Variants in ZNF746 observed in about 807,000 individuals in gnomAD.
ZNF746 encodes zinc finger protein 746.
Under a neutral mutation model 41.0 loss-of-function variants are expected in ZNF746, and 13 were observed. The ratio of observed to expected loss-of-function variants is 0.32; its 90% CI spans 0.21 to 0.50. The LOEUF is 0.50. ZNF746 is among the 20% of genes least tolerant of loss of function. The probability of loss-of-function intolerance (pLI) is 0.98; values close to 1 mark genes in which losing one functional copy is unlikely to be tolerated. For missense variants in ZNF746, 811 were observed against 922.9 expected, an observed-to-expected ratio of 0.88 and a Z score of 1.57; for synonymous variants, 424 against 396.2, an observed-to-expected ratio of 1.07 and a Z score of -0.83.
At chr7:149,493,027 G>A (rs1800862368) in intron 3 of ZNF746, 55 bp from the exon 4 acceptor site, 12 of 1,219,320 alleles carry the variant, frequency 9.8e-6, no homozygotes, top group African/African-American at 1.5e-5. Context: ...GCTGGGGACA[G>A]TCATCCCGGA....
chr7:149,474,336 G>A lies in ZNF746; in HGVS notation c.*48C>T, dbSNP rs1800205427. 2 of 1,560,282 alleles carry A rather than the reference G, an allele frequency of 1.3e-6. No individual in the cohort carries two copies. The highest frequency in any genetic ancestry group is 1.7e-6 in the Non-Finnish European group (2 of 1,152,456). On this transcript the variant is annotated 3_prime_UTR_variant, in exon 7 of 7. Transcript: ENST00000458143. This position sits in a 1 kb window ranked among gnomAD's most constrained non-coding sequence, Gnocchi z 6.3. ...CCACGCCGCCCTGCTGCCTGCACAC[G>A]GGGCTTTTTACACGTGCGGCCGGCA...
rs77795068 is a variant in ZNF746 at position 149,495,324 on chromosome 7, A to T, written c.25-821T>A. Among the ~76,000 whole-genome samples, 2,425 of 152,306 alleles carry T rather than the reference A, an allele frequency of 0.016. 128 individuals carry two copies. In the East Asian group the frequency reaches 0.2, roughly 12 times the overall value. Reference sequence around the variant, plus strand: ...ACATTTTTGTAGCTGTACCAGGAGCAGTGACATACCCTGCAGTCTGGTGAG... The same window carrying T: ...ACATTTTTGTAGCTGTACCAGGAGCTGTGACATACCCTGCAGTCTGGTGAG... On this transcript the variant is annotated intron_variant, in intron 1 of 6. Coordinates refer to ENST00000458143, the MANE Select transcript of ZNF746 (RefSeq NM_001394198.1).
Position 149,477,001 on chromosome 7 carries a change from T to G in ZNF746, c.804A>C (p.Gln268His). ...AGGGATGGTGGGGAGGGAGATCCGT[T>G]TGCCAGGAGGTGGGCGGGATGGTGG... ...FSTTIPPTSW[Q>H]TDLPPHHPSS... Residue 268 changes from glutamine (Q) to histidine (H), a missense_variant, in exon 6 of 7, where the codon CAA becomes CAC. Physicochemically the swap from Gln to His is conservative, Grantham distance 24. Transcript: ENST00000458143. 6.2e-7 allele frequency: 1 copy of G among 1,613,828 alleles called. No individual in the cohort carries two copies. The highest frequency in any genetic ancestry group is 1.1e-5 in the South Asian group (1 of 91,074).
chr7:149,481,860 C>A (rs1016361556), intron 4 of ZNF746, among the ~76,000 whole-genome samples: 2 of 151,984 alleles, frequency 1.3e-5, no homozygotes, highest in East Asian at 3.9e-4. Context: ...TAAAAAGAAT[C>A]CAAATAAACT....
intron 4 of ZNF746, among the ~76,000 whole-genome samples, chr7:149,492,583 G>GT (rs1800839581): frequency 6.6e-6 from 1 of 152,250 alleles, no homozygotes; most frequent in Middle Eastern, 3.4e-3. Context: ...CCCTCTCAGC[G>GT]TTCTCCTCTC....
intron 6 of ZNF746, 119 bp from the exon 7 acceptor site, chr7:149,475,602 G>A (rs1312392005): frequency 1.3e-6 from 2 of 1,490,298 alleles, no homozygotes; most frequent in African/African-American, 1.4e-5. Flanking sequence ...AGGCCCTCGT[G>A]GCTGAGCCCA....
At chr7:149,477,978 G>T (rs1260505311) in intron 4 of ZNF746, 1 of 441,878 alleles carries the variant, frequency 2.3e-6, no homozygotes, top group Non-Finnish European at 4.0e-6. Flanking sequence ...TGAGGCGGGG[G>T]AGGGGAAGAA....
intron 6 of ZNF746, among the ~76,000 whole-genome samples, chr7:149,475,947 C>T (rs1480692817): frequency 6.6e-6 from 1 of 152,222 alleles, no homozygotes; most frequent in East Asian, 1.9e-4. Context: ...CTGAAAGCAC[C>T]TTAGTGAGCT....
At chr7:149,476,422 G>A (rs570124993) in intron 6 of ZNF746, among the ~76,000 whole-genome samples, 105 of 150,062 alleles carry the variant, frequency 7.0e-4, no homozygotes, top group South Asian at 1.5e-3. Context: ...CTATTAGCAC[G>A]TTTTTTGGGT....
At chr7:149,492,227 C>G (rs1800829318) in intron 4 of ZNF746, among the ~76,000 whole-genome samples, 1 of 152,206 alleles carries the variant, frequency 6.6e-6, no homozygotes, top group African/African-American at 2.4e-5. Context: ...CCAACCACTC[C>G]TCTTTCTCCT....
chr7:149,474,273 A>C lies in ZNF746; in HGVS notation c.*111T>G. ...AGTGATCATCAGTTCAGCAACTTGG[A>C]CATTTGGTTCTCCCCGTCCCGCGTC... On this transcript the variant is annotated 3_prime_UTR_variant, in exon 7 of 7. Coordinates refer to ENST00000458143, the MANE Select transcript of ZNF746 (RefSeq NM_001394198.1). The surrounding 1 kb of genome is among the most constrained non-coding windows in gnomAD (Gnocchi z 6.3). 3.2e-6 allele frequency: 4 copies of C among 1,258,392 alleles called. No individual in the cohort carries two copies. Among genetic ancestry groups the C allele is most frequent in the Non-Finnish European group, 4.4e-6 (4 of 909,614 alleles). 78.0% of individuals were successfully genotyped at this position (1,258,392 alleles called of 1,614,324 possible).
chr7:149,475,399 T>A lies in ZNF746; in HGVS notation c.968A>T (p.His323Leu), dbSNP rs764833556. ...TPVHPTDLEA[H>L]GTLFGPGQAT... is the part of the protein sequence containing the mutation. ...TTGGCCTGGTCCAAACAGGGTCCCG[T>A]GAGCCTCTAGGTCAGTAGGATGTAC... Residue 323 changes from histidine (H) to leucine (L), a missense_variant, in exon 7 of 7, where the codon CAC becomes CTC. This residue lies in a region of ZNF746 where 495 missense variants were observed against 481.6 expected (regional missense o/e 1.03). Coordinates refer to ENST00000458143, the MANE Select transcript of ZNF746 (RefSeq NM_001394198.1). 3 of 1,614,214 alleles carry A rather than the reference T, an allele frequency of 1.9e-6. No individual in the cohort carries two copies. The South Asian group carries it at 3.3e-5, about 18-fold the overall frequency.
rs1186267321 is a variant in ZNF746, at chr7:149,497,359, C to A, written c.24+154G>T. ...CCCGGCCGACGGGCGCAGTAGGCCC[C>A]GGCGGACCCCGCGCCCCATTCGCGG... is the stretch of plus-strand genomic sequence containing the variant. On this transcript the variant is annotated intron_variant, in intron 1 of 6. Transcript: ENST00000458143. The surrounding 1 kb of genome is among the most constrained non-coding windows in gnomAD (Gnocchi z 4.2). The A allele has an allele frequency of 1.0e-6, 1 of 967,224 alleles. No individual in the cohort carries two copies. Among genetic ancestry groups the A allele is most frequent in the East Asian group, 1.2e-4 (1 of 8,642 alleles). 59.9% of individuals were successfully genotyped at this position (967,224 alleles called of 1,614,324 possible).
intron 1 of ZNF746, among the ~76,000 whole-genome samples, chr7:149,496,286 A>T (rs1189678897): frequency 6.6e-6 from 1 of 152,198 alleles, no homozygotes; most frequent in African/African-American, 2.4e-5. Context: ...AGGTCTTCAC[A>T]CTATGTGGTG....
In ZNF746 at chr7:149,494,528, G is replaced by A; in HGVS notation, c.25-25C>T. 2 of 1,611,908 alleles carry A rather than the reference G, an allele frequency of 1.2e-6. No homozygotes were observed. Among genetic ancestry groups the A allele is most frequent in the South Asian group, 1.1e-5 (1 of 90,964 alleles). Reference sequence around the variant, plus strand: ...TCTTTCAGAAACAAAAGAGAAACTGGCATCACTCATTCCATCCACTGTCTT... The same window carrying A: ...TCTTTCAGAAACAAAAGAGAAACTGACATCACTCATTCCATCCACTGTCTT... On this transcript the variant is annotated intron_variant, in intron 1 of 6. Transcript: ENST00000458143. The surrounding 1 kb of genome is among the most constrained non-coding windows in gnomAD (Gnocchi z 5.6).
Position 149,497,486 on chromosome 7 carries a change from G to A in ZNF746, c.24+27C>T, listed in dbSNP as rs1801048404. The A allele has an allele frequency of 9.1e-7, 1 of 1,092,974 alleles. No individual in the cohort carries two copies. Among genetic ancestry groups the A allele is most frequent in the Non-Finnish European group, 1.1e-6 (1 of 903,706 alleles). 67.7% of individuals were successfully genotyped at this position (1,092,974 alleles called of 1,614,324 possible). On this transcript the variant is annotated intron_variant, in intron 1 of 6. Transcript: ENST00000458143. The surrounding 1 kb of genome is among the most constrained non-coding windows in gnomAD (Gnocchi z 4.2). Reference sequence around the variant, plus strand: ...GCCGCCTGGGGCCCCCAGGCCGCGAGTCCCTGCGCGCGCGGGTCGCCCTTA... The same window carrying A: ...GCCGCCTGGGGCCCCCAGGCCGCGAATCCCTGCGCGCGCGGGTCGCCCTTA...
rs759505239 is a variant in ZNF746, at chr7:149,476,911, G to A, written c.883+11C>T. Reference sequence around the variant, plus strand: ...GCATGGCCCTTCCCTTCCTCCTCTCGCCACCTGTACCTTCCGTGGAGGCTG... The same window carrying A: ...GCATGGCCCTTCCCTTCCTCCTCTCACCACCTGTACCTTCCGTGGAGGCTG... On this transcript the variant is annotated intron_variant, in intron 6 of 6. Coordinates refer to ENST00000458143, the MANE Select transcript of ZNF746 (RefSeq NM_001394198.1). 3.7e-6 allele frequency: 6 copies of A among 1,613,644 alleles called. No individual in the cohort carries two copies. In the South Asian group the frequency reaches 4.4e-5, roughly 12 times the overall value.
At position 149,473,892 on chromosome 7, in the gene ZNF746, G is replaced by A. The variant is rs1352936514; in HGVS notation, c.*492C>T. 1.7e-5 allele frequency: 3 copies of A among 174,576 alleles called. No homozygotes were observed. Among genetic ancestry groups the A allele is most frequent in the South Asian group, 2.3e-4 (2 of 8,880 alleles). 10.8% of individuals were successfully genotyped at this position (174,576 alleles called of 1,614,324 possible). A position where few individuals can be genotyped will look rare whatever the true frequency, so the allele number is the denominator to read the frequency against. On this transcript the variant is annotated 3_prime_UTR_variant, in exon 7 of 7. Coordinates refer to ENST00000458143, the MANE Select transcript of ZNF746 (RefSeq NM_001394198.1). ...ACCCAATGGCCCTCACTGCCCAGGG[G>A]CTTGGTGCGCTAGGCCCACTCAGCC...
In ZNF746 at chr7:149,474,499, G is replaced by A. The variant is rs1287492305; in HGVS notation, c.1868C>T (p.Pro623Leu). Residue 623 changes from proline (P) to leucine (L), a missense_variant, in exon 7 of 7, where the codon CCT becomes CTT. Transcript: ENST00000458143. This position sits in a 1 kb window ranked among gnomAD's most constrained non-coding sequence, Gnocchi z 6.3. ...GGCGGGGCTCTTGAAGGGATCAGGA[G>A]GTGCGGGCGGCGTCGGGAGTGGCTG... ...RGQPLPTPPAPPDPFKSPASK... is the reference protein window; with the variant it reads ...RGQPLPTPPALPDPFKSPASK... 1.2e-6 allele frequency: 2 copies of A among 1,610,394 alleles called. No individual in the cohort carries two copies. Among genetic ancestry groups the A allele is most frequent in the East Asian group, 2.2e-5 (1 of 44,750 alleles).
Sources: allele counts gnomAD v4.1 joint callset (sites outside exome capture counted in the v4.1 genomes callset), GRCh38; gene constraint gnomAD v4.1.1; regional missense constraint gnomAD v4.1.1; non-coding constraint Gnocchi (gnomAD v3.1); transcripts MANE v1.5; gene names NCBI Gene and HGNC (gene_info 2026-07-23, HGNC 2026-07-21).